The following NKAIN2 variants were observed in gnomAD, a reference collection of about 807,000 sequenced individuals.
NKAIN2 encodes sodium/potassium transporting ATPase interacting 2, also known as sodium/potassium-transporting ATPase subunit beta-1-interacting protein 2.
A neutral mutation model predicts 32.6 loss-of-function variants in NKAIN2; 14 were observed. The observed-to-expected ratio is 0.43, with a 90% confidence interval of 0.28 to 0.67. The LOEUF is 0.67. Among genes scored for constraint, NKAIN2 ranks in the 30% least tolerant of loss-of-function variants. NKAIN2 has a pLI of 0.17. For synonymous variants in NKAIN2, 80 were observed against 87.2 expected, an observed-to-expected ratio of 0.92 and a Z score of 0.46; for missense variants, 198 against 258.3, an observed-to-expected ratio of 0.77 and a Z score of 1.60.
At chr6:124,346,991 T>C (rs1798457516) in intron 2 of NKAIN2, among the ~76,000 whole-genome samples, 1 of 152,204 alleles carries the variant, frequency 6.6e-6, no homozygotes, top group African/African-American at 2.4e-5. Context: ...CCTTTCCATG[T>C]TTAGTGCTTC....
chr6:124,491,202 T>A (rs926010615), intron 3 of NKAIN2, among the ~76,000 whole-genome samples: 1 of 151,888 alleles, frequency 6.6e-6, no homozygotes, highest in Admixed American at 6.6e-5. Context: ...AGAGTTACCA[T>A]TGTGCCCATT....
chr6:124,385,703 A>G (rs1291325094), intron 3 of NKAIN2, among the ~76,000 whole-genome samples: 1 of 152,112 alleles, frequency 6.6e-6, no homozygotes, highest in Non-Finnish European at 1.5e-5. Flanking sequence ...AGGTGAACAC[A>G]TCTATCTTTA....
chr6:124,068,126 C>T (rs1783278088), intron 1 of NKAIN2, among the ~76,000 whole-genome samples: 1 of 152,048 alleles, frequency 6.6e-6, no homozygotes, highest in South Asian at 2.1e-4. Flanking sequence ...AGGATAAAAA[C>T]CTAAGCAGTC....
At chr6:124,687,741 T>TAC (rs1392017501) in intron 4 of NKAIN2, among the ~76,000 whole-genome samples, 54 of 30,012 alleles carry the variant, frequency 1.8e-3, no homozygotes, top group South Asian at 5.9e-3. Context: ...ATATATGATA[T>TAC]ATACACACAC....
chr6:124,454,681 A>G (rs1234097902), intron 3 of NKAIN2, among the ~76,000 whole-genome samples: 1 of 152,020 alleles, frequency 6.6e-6, no homozygotes, highest in Non-Finnish European at 1.5e-5. Context: ...ACATGCTTGG[A>G]AATTTATTGA....
chr6:124,455,188 AAG>A (rs1192646342), intron 3 of NKAIN2, among the ~76,000 whole-genome samples: 1 of 152,100 alleles, frequency 6.6e-6, no homozygotes, highest in African/African-American at 2.4e-5. Flanking sequence ...ATTGAGAAAA[AAG>A]AGTATTTAAT....
chr6:124,738,315 A>G (rs151234726), intron 4 of NKAIN2, among the ~76,000 whole-genome samples: 1 of 151,916 alleles, frequency 6.6e-6, no homozygotes, highest in African/African-American at 2.4e-5. Context: ...TATTCCTTAG[A>G]TAATAAAATA....
At chr6:124,685,780 T>G in intron 4 of NKAIN2, among the ~76,000 whole-genome samples, 1 of 152,202 alleles carries the variant, frequency 6.6e-6, no homozygotes, top group East Asian at 1.9e-4. Context: ...CTGCTTTCAC[T>G]AGGCTAGAAA....
chr6:124,797,169 C>CA (rs563319426), intron 5 of NKAIN2, among the ~76,000 whole-genome samples: 4,452 of 86,784 alleles, frequency 0.051, 217 homozygotes, highest in African/African-American at 0.14. Flanking sequence ...TCCATGTTAG[C>CA]AAAAAAAAAA....
chr6:124,614,077 T>A (rs1253934889), intron 3 of NKAIN2, among the ~76,000 whole-genome samples: 1 of 152,098 alleles, frequency 6.6e-6, no homozygotes, highest in Non-Finnish European at 1.5e-5. Context: ...CTACCAAATT[T>A]TTTCTCCTCT....
chr6:124,547,568 A>G (rs1200180191), intron 3 of NKAIN2, among the ~76,000 whole-genome samples: 1 of 152,224 alleles, frequency 6.6e-6, no homozygotes, highest in Admixed American at 6.5e-5. Flanking sequence ...AAGCAAACCT[A>G]TTTGGAACAG....
At chr6:124,399,702 G>A (rs1158776861) in intron 3 of NKAIN2, among the ~76,000 whole-genome samples, 2 of 152,206 alleles carry the variant, frequency 1.3e-5, no homozygotes, top group African/African-American at 2.4e-5. Context: ...ATTCCTTAGC[G>A]AAGCAGAGGA....
intron 3 of NKAIN2, among the ~76,000 whole-genome samples, chr6:124,399,137 G>T (rs762358912): frequency 1.2e-4 from 18 of 152,148 alleles, no homozygotes; most frequent in Non-Finnish European, 2.5e-4. Flanking sequence ...ATGTTGGCCA[G>T]GCTGGTCTTG....
At chr6:123,996,048 A>G (rs1046925935) in intron 1 of NKAIN2, among the ~76,000 whole-genome samples, 2 of 152,118 alleles carry the variant, frequency 1.3e-5, no homozygotes, top group Non-Finnish European at 2.9e-5. Flanking sequence ...AGTAAAATCT[A>G]GGTATGAAGT....
chr6:123,827,969 AC>A (rs1474376991), intron 1 of NKAIN2, among the ~76,000 whole-genome samples: 2 of 152,018 alleles, frequency 1.3e-5, no homozygotes, highest in Non-Finnish European at 2.9e-5. Flanking sequence ...GAATCAGCAT[AC>A]CTATTCAATG....
intron 2 of NKAIN2, among the ~76,000 whole-genome samples, chr6:124,284,272 C>T (rs1037581026): frequency 6.6e-6 from 1 of 152,068 alleles, no homozygotes; most frequent in Non-Finnish European, 1.5e-5. Flanking sequence ...TTTTATGAAT[C>T]GTAATTTGAT....
chr6:124,530,188 T>A (rs912842745), intron 3 of NKAIN2, among the ~76,000 whole-genome samples: 2 of 152,226 alleles, frequency 1.3e-5, no homozygotes, highest in Non-Finnish European at 2.9e-5. Context: ...AGCCTACTGA[T>A]GACCAGGAAC....
At chr6:124,779,495 G>C (rs1310957362) in intron 4 of NKAIN2, among the ~76,000 whole-genome samples, 1 of 152,168 alleles carries the variant, frequency 6.6e-6, no homozygotes, top group Non-Finnish European at 1.5e-5. Flanking sequence ...ATCCTTGAGA[G>C]CCTAATGTCC....
intron 3 of NKAIN2, among the ~76,000 whole-genome samples, chr6:124,482,455 A>T (rs1443793922): frequency 2.0e-5 from 3 of 152,206 alleles, no homozygotes; most frequent in Non-Finnish European, 2.9e-5. Flanking sequence ...CAAAGTGTAG[A>T]CCACAAAAGT....
Sources: gnomAD v4.1 joint callset for allele counts (sites outside exome capture counted in the v4.1 genomes callset) on GRCh38, gnomAD v4.1.1 for gene constraint, MANE v1.5 for transcripts, NCBI Gene and HGNC (gene_info 2026-07-23, HGNC 2026-07-21) for gene names.